The following NAA16 variants were observed in gnomAD, a reference collection of about 807,000 sequenced individuals.
NAA16 encodes the protein N-alpha-acetyltransferase 16, NatA auxiliary subunit.
Under a neutral mutation model 110.3 loss-of-function variants are expected in NAA16, and 97 were observed. The ratio of observed to expected loss-of-function variants is 0.88; its 90% CI spans 0.75 to 1.04. The LOEUF is 1.04. NAA16 is among the 50% of genes least tolerant of loss of function. NAA16 has a pLI of 0.00. For missense variants in NAA16, 1,017 were observed against 1,005.1 expected (o/e 1.01, Z -0.16); for synonymous variants, 372 against 330.6 (o/e 1.13, Z -1.36).
intron 7 of NAA16, among the ~76,000 whole-genome samples, chr13:41,329,090 A>G (rs2042167967): frequency 6.6e-6 from 1 of 152,020 alleles, no homozygotes; most frequent in South Asian, 2.1e-4. Context: ...GGCAAAAATA[A>G]AACAAAGCCA....
intron 13 of NAA16, among the ~76,000 whole-genome samples, chr13:41,366,383 A>G (rs2043207441): frequency 1.3e-5 from 2 of 152,180 alleles, no homozygotes; most frequent in African/African-American, 4.8e-5. Flanking sequence ...GGACAGAGGG[A>G]ACATGAACTA....
At chr13:41,339,148 G>C (rs531880378) in intron 9 of NAA16, among the ~76,000 whole-genome samples, 1 of 152,106 alleles carries the variant, frequency 6.6e-6, no homozygotes, top group Non-Finnish European at 1.5e-5. Flanking sequence ...TTGTTTGTTT[G>C]TTTGTTTTTG....
Position 41,316,838 on chromosome 13 carries a change from C to T in NAA16, c.55-8C>T. 1.3e-6 allele frequency: 2 copies of T among 1,594,254 alleles called. No homozygotes were observed. The highest frequency in any genetic ancestry group is 1.3e-5 in the African/African-American group (1 of 74,608). On this transcript the variant is annotated splice_polypyrimidine_tract_variant and splice_region_variant and intron_variant, in intron 1 of 19. Coordinates refer to ENST00000379406, the MANE Select transcript of NAA16 (RefSeq NM_024561.5). ...GATAAAATAACTTTTGTTCATATTT[C>T]TTTACAGAAATGTTATGAACAGAAG...
chr13:41,364,375 G>A (rs1388973591), intron 13 of NAA16, among the ~76,000 whole-genome samples: 1 of 151,988 alleles, frequency 6.6e-6, no homozygotes, highest in East Asian at 1.9e-4. Context: ...ATAAGCTAGT[G>A]TAGTATCTTT....
intron 9 of NAA16, among the ~76,000 whole-genome samples, chr13:41,337,109 G>A (rs1011111661): frequency 6.6e-6 from 1 of 152,192 alleles, no homozygotes; most frequent in Admixed American, 6.5e-5. Flanking sequence ...GTTAGAGCTT[G>A]GATAATTGAG....
At chr13:41,340,956 C>T (rs950495805) in intron 9 of NAA16, among the ~76,000 whole-genome samples, 10 of 152,078 alleles carry the variant, frequency 6.6e-5, no homozygotes, top group Non-Finnish European at 4.4e-5. Context: ...CGTGAGCCAC[C>T]GCGCCCAGCT....
intron 17 of NAA16, 66 bp from the exon 18 acceptor site, chr13:41,373,571 A>G: frequency 1.3e-6 from 2 of 1,487,960 alleles, no homozygotes; most frequent in Non-Finnish European, 1.8e-6. Context: ...AAGGGTTTTC[A>G]GTAGGTTTTT....
At chr13:41,350,602 T>G (rs1322795929) in intron 9 of NAA16, among the ~76,000 whole-genome samples, 3 of 19,372 alleles carry the variant, frequency 1.5e-4, no homozygotes, top group African/African-American at 3.3e-4. Context: ...TGCCAGTTTT[T>G]TTTTGTTTTT....
chr13:41,372,432 C>T (rs762880162), intron 16 of NAA16, 121 bp downstream of exon 16: 92 of 1,354,656 alleles, frequency 6.8e-5, no homozygotes, highest in Admixed American at 1.1e-4. Flanking sequence ...TACAAAGGCT[C>T]TTTTCCTTGG....
intron 13 of NAA16, chr13:41,362,549 C>G: frequency 2.2e-6 from 1 of 448,732 alleles, no homozygotes; most frequent in Non-Finnish European, 3.8e-6. Flanking sequence ...CAGCCTCTCT[C>G]CAGTTTGTCT....
In NAA16 at chr13:41,325,705, C is replaced by T. The variant is rs1197761791; in HGVS notation, c.545C>T (p.Pro182Leu). 3 of 1,563,402 alleles carry T rather than the reference C, an allele frequency of 1.9e-6. No individual in the cohort carries two copies. Among genetic ancestry groups the T allele is most frequent in the African/African-American group, 1.4e-5 (1 of 72,666 alleles). Residue 182 changes from proline to leucine, a missense_variant, in exon 6 of 20, where the codon CCA (proline) becomes CTA (leucine). Transcript: ENST00000379406. ...EEFRQTQQVP[P>L]NKIDYEYSEL... The stretch of plus-strand genomic sequence containing the variant: ...TTGGTCATTTTTTTTCAGGTTCCTC[C>T]AAACAAAATAGATTATGAATATAGT...
intron 4 of NAA16, among the ~76,000 whole-genome samples, chr13:41,321,991 A>T (rs2041959075): frequency 6.6e-6 from 1 of 152,150 alleles, no homozygotes; most frequent in Non-Finnish European, 1.5e-5. Context: ...AGCAGCTTAG[A>T]TGTGGTTGGA....
chr13:41,333,258 A>C (rs2042287113), intron 8 of NAA16, among the ~76,000 whole-genome samples: 1 of 152,184 alleles, frequency 6.6e-6, no homozygotes, highest in Non-Finnish European at 1.5e-5. Context: ...GTTTTAAAAA[A>C]TAATAGCTTT....
At chr13:41,363,117 C>T (rs2043145779) in intron 13 of NAA16, among the ~76,000 whole-genome samples, 1 of 152,056 alleles carries the variant, frequency 6.6e-6, no homozygotes, top group Non-Finnish European at 1.5e-5. Context: ...AAATCCTCCT[C>T]ATCTTCTCCT....
rs143716202 is a variant in NAA16, at chr13:41,346,108, T to C, written c.1015-9036T>C. Among the ~76,000 whole-genome samples the C allele has an allele frequency of 1.3e-3, 196 of 152,328 alleles. 1 individual carries two copies. Among genetic ancestry groups the C allele is most frequent in the African/African-American group, 4.3e-3 (178 of 41,586 alleles). ...CCAACGTCATGAAGATTTATAAACA[T>C]GTTTACTTGTAAGAGTTTGCATTGA... On this transcript the variant is annotated intron_variant, in intron 9 of 19. Coordinates refer to ENST00000379406, the MANE Select transcript of NAA16 (RefSeq NM_024561.5).
chr13:41,348,108 T>TA (rs1566277455), intron 9 of NAA16, among the ~76,000 whole-genome samples: 8 of 152,218 alleles, frequency 5.3e-5, no homozygotes, highest in East Asian at 3.9e-4. Context: ...AGGTTTTTTT[T>TA]TAAAAAAAAT....
rs140328014 is a variant in NAA16, at chr13:41,366,373, G to A, written c.1540-1066G>A. On this transcript the variant is annotated intron_variant, in intron 13 of 19. Coordinates refer to ENST00000379406, the MANE Select transcript of NAA16 (RefSeq NM_024561.5). ...CTGCGGAGTGACTTAACTATCCCCA[G>A]GACAGAGGGAACATGAACTAGTAGG... 8.9e-4 allele frequency among the ~76,000 whole-genome samples: 136 copies of A among 152,186 alleles called. 1 individual carries two copies. The highest frequency in any genetic ancestry group is 2.2e-3 in the Admixed American group (34 of 15,284).
At chr13:41,351,494 C>T (rs1448364222) in intron 9 of NAA16, among the ~76,000 whole-genome samples, 1 of 152,042 alleles carries the variant, frequency 6.6e-6, no homozygotes, top group East Asian at 1.9e-4. Context: ...CATTTTAAAC[C>T]TGTGATTTGT....
At chr13:41,347,486 G>T (rs1395136567) in intron 9 of NAA16, among the ~76,000 whole-genome samples, 1 of 151,984 alleles carries the variant, frequency 6.6e-6, no homozygotes, top group African/African-American at 2.4e-5. Flanking sequence ...TCGAACATGG[G>T]ATGTCTTTCT....
Sources: allele counts gnomAD v4.1 joint callset (sites outside exome capture counted in the v4.1 genomes callset), GRCh38; gene constraint gnomAD v4.1.1; transcripts MANE v1.5; gene names NCBI Gene and HGNC (gene_info 2026-07-23, HGNC 2026-07-21).